Variants in CA10 observed in about 807,000 individuals in gnomAD.
CA10 encodes carbonic anhydrase 10 (inactive).
In CA10, 14 loss-of-function variants were observed where a neutral mutation model predicts 44.2. That is an observed-to-expected ratio of 0.32 (90% CI 0.21 to 0.50). CA10 has a LOEUF of 0.50. Ranked by LOEUF, CA10 falls within the 20% of genes least tolerant of loss-of-function variation. CA10 has a pLI of 0.99. For missense variants in CA10, 350 were observed against 409.7 expected (o/e 0.85, Z 1.26); for synonymous variants, 159 against 141.6 (o/e 1.12, Z -0.87).
chr17:52,153,005 C>A (rs1313334019), intron 1 of CA10, among the ~76,000 whole-genome samples: 7 of 152,176 alleles, frequency 4.6e-5, no homozygotes, highest in African/African-American at 1.7e-4. Context: ...ATTTATGATA[C>A]CTAGATCTCT....
At chr17:51,757,535 T>TC (rs1905109224) in intron 3 of CA10, among the ~76,000 whole-genome samples, 1 of 152,196 alleles carries the variant, frequency 6.6e-6, no homozygotes, top group Non-Finnish European at 1.5e-5. Flanking sequence ...GTAGCACTCT[T>TC]CCCCCTCCTC....
intron 3 of CA10, among the ~76,000 whole-genome samples, chr17:51,822,701 A>C (rs1567851560): frequency 6.6e-6 from 1 of 152,222 alleles, no homozygotes; most frequent in East Asian, 1.9e-4. Context: ...GGTGCACTAG[A>C]GACACATAAA....
intron 4 of CA10, among the ~76,000 whole-genome samples, chr17:51,744,854 G>T (rs952292817): frequency 6.6e-6 from 1 of 152,084 alleles, no homozygotes; most frequent in Non-Finnish European, 1.5e-5. Context: ...ACTGCTTATC[G>T]CACTACTTTG....
At chr17:52,129,304 A>C (rs1000146281) in intron 1 of CA10, among the ~76,000 whole-genome samples, 1 of 152,218 alleles carries the variant, frequency 6.6e-6, no homozygotes, top group African/African-American at 2.4e-5. Flanking sequence ...GCAGGGAACA[A>C]ACATATTGCC....
intron 2 of CA10, among the ~76,000 whole-genome samples, chr17:52,071,194 G>A (rs909696651): frequency 5.9e-5 from 9 of 152,124 alleles, no homozygotes; most frequent in African/African-American, 2.2e-4. Flanking sequence ...CGGTTTCTAT[G>A]TTCACTGGGC....
chr17:51,919,393 G>C (rs902298193), intron 3 of CA10, among the ~76,000 whole-genome samples: 2 of 152,138 alleles, frequency 1.3e-5, no homozygotes, highest in East Asian at 3.9e-4. Context: ...TCTTGGGTGT[G>C]TGTGACTGTT....
At chr17:51,672,802 T>C (rs1363689284) in intron 4 of CA10, among the ~76,000 whole-genome samples, 2 of 152,190 alleles carry the variant, frequency 1.3e-5, no homozygotes, top group Admixed American at 6.5e-5. Context: ...GAATTGAACA[T>C]AAATGAATTC....
chr17:51,970,905 A>G (rs923285453), intron 2 of CA10, among the ~76,000 whole-genome samples: 2 of 152,070 alleles, frequency 1.3e-5, no homozygotes, highest in Non-Finnish European at 1.5e-5. Context: ...GAAGCAGTAG[A>G]GAAAGTGGAC....
chr17:51,706,370 A>T (rs1189366891), intron 4 of CA10, among the ~76,000 whole-genome samples: 1 of 152,208 alleles, frequency 6.6e-6, no homozygotes, highest in Non-Finnish European at 1.5e-5. Context: ...TGTGGCTCTA[A>T]ACCTTGACTC....
At chr17:51,972,786 A>C (rs529571784) in intron 2 of CA10, among the ~76,000 whole-genome samples, 16 of 152,250 alleles carry the variant, frequency 1.1e-4, no homozygotes, top group East Asian at 5.8e-4. Context: ...GAAAAAAAAA[A>C]CAGAAATCTA....
At chr17:52,127,906 A>G (rs548913392) in intron 1 of CA10, among the ~76,000 whole-genome samples, 19 of 151,682 alleles carry the variant, frequency 1.3e-4, no homozygotes, top group African/African-American at 4.1e-4. Flanking sequence ...ATTAATAACA[A>G]CTACCGTTGA....
chr17:51,960,234 A>C (rs1453821840), intron 2 of CA10, among the ~76,000 whole-genome samples: 1 of 152,100 alleles, frequency 6.6e-6, no homozygotes, highest in Non-Finnish European at 1.5e-5. Flanking sequence ...TAAATAAGAG[A>C]GAAAACACAA....
At chr17:51,945,719 T>C (rs770485696) in intron 2 of CA10, among the ~76,000 whole-genome samples, 28 of 152,168 alleles carry the variant, frequency 1.8e-4, no homozygotes, top group Non-Finnish European at 3.4e-4. Flanking sequence ...TTCCACACCT[T>C]GTCACCTGCC....
At chr17:51,923,726 T>C (rs1034224036) in intron 3 of CA10, among the ~76,000 whole-genome samples, 4 of 152,200 alleles carry the variant, frequency 2.6e-5, no homozygotes, top group African/African-American at 7.2e-5. Context: ...TTTTTCAACT[T>C]ATTTTAATAG....
intron 2 of CA10, among the ~76,000 whole-genome samples, chr17:52,036,205 G>C (rs1986613497): frequency 6.6e-6 from 1 of 152,170 alleles, no homozygotes; most frequent in African/African-American, 2.4e-5. Context: ...GGCCAAACTG[G>C]ATCAATGAAT....
chr17:51,853,082 T>C (rs1268264002), intron 3 of CA10, among the ~76,000 whole-genome samples: 1 of 152,198 alleles, frequency 6.6e-6, no homozygotes, highest in African/African-American at 2.4e-5. Context: ...GATAGCTAAA[T>C]AGAGCTTGAG....
intron 4 of CA10, among the ~76,000 whole-genome samples, chr17:51,674,373 C>A (rs1223138826): frequency 1.3e-5 from 2 of 152,194 alleles, no homozygotes; most frequent in Non-Finnish European, 2.9e-5. Flanking sequence ...CTGTAAAACC[C>A]TTGAACAAGC....
At chr17:52,113,124 T>C (rs1231850116) in intron 1 of CA10, among the ~76,000 whole-genome samples, 1 of 152,182 alleles carries the variant, frequency 6.6e-6, no homozygotes, top group African/African-American at 2.4e-5. Flanking sequence ...GTTCTAAAGA[T>C]ATTGTAGGAT....
chr17:51,837,338 C>T (rs1908522919), intron 3 of CA10, among the ~76,000 whole-genome samples: 1 of 152,108 alleles, frequency 6.6e-6, no homozygotes, highest in Non-Finnish European at 1.5e-5. Context: ...CCTTCTTCTA[C>T]CAATTACAGT....
Sources: allele counts gnomAD v4.1 joint callset (sites outside exome capture counted in the v4.1 genomes callset), GRCh38; gene constraint gnomAD v4.1.1; transcripts MANE v1.5; gene names NCBI Gene and HGNC (gene_info 2026-07-23, HGNC 2026-07-21).